Variants in RANBP10 observed in about 807,000 individuals in gnomAD.
The protein encoded by RANBP10 is RAN binding protein 10, also known as ran-binding protein 10.
In RANBP10, 24 loss-of-function variants were observed where a neutral mutation model predicts 72.8. That is an observed-to-expected ratio of 0.33 (90% CI 0.24 to 0.46). RANBP10 has a LOEUF of 0.46. Ranked by LOEUF, RANBP10 falls within the 20% of genes least tolerant of loss-of-function variation. The pLI is 1.00. For synonymous variants in RANBP10, 310 were observed against 322.3 expected (o/e 0.96, Z 0.41); for missense variants, 679 against 817.5 (o/e 0.83, Z 2.07).
intron 2 of RANBP10, among the ~76,000 whole-genome samples, chr16:67,800,326 T>C (rs1323582862): frequency 6.6e-6 from 1 of 152,150 alleles, no homozygotes; most frequent in Non-Finnish European, 1.5e-5. Context: ...CCCCTCTCCA[T>C]GCCTTCCAGT....
chr16:67,782,697 C>T (rs907455271), intron 2 of RANBP10, among the ~76,000 whole-genome samples: 1 of 151,794 alleles, frequency 6.6e-6, no homozygotes, highest in East Asian at 1.9e-4. Context: ...ATGTAATCCG[C>T]CCAGCTCGGC....
chr16:67,750,967 T>C (rs1410040409), intron 3 of RANBP10, among the ~76,000 whole-genome samples: 3 of 151,938 alleles, frequency 2.0e-5, no homozygotes, highest in Non-Finnish European at 4.4e-5. Context: ...GGGGTTTCAC[T>C]GTGTTAGCCA....
chr16:67,747,947 A>T (rs914296577), intron 3 of RANBP10, among the ~76,000 whole-genome samples: 1 of 149,210 alleles, frequency 6.7e-6, no homozygotes, highest in African/African-American at 2.5e-5. Flanking sequence ...CAGTCTCCCG[A>T]GTAGCTGGGA....
intron 3 of RANBP10, among the ~76,000 whole-genome samples, chr16:67,760,164 ACAAAGC>A (rs1385511088): frequency 6.6e-5 from 10 of 152,124 alleles, no homozygotes; most frequent in Admixed American, 1.3e-4. Context: ...CAGCAACCGC[ACAAAGC>A]CACCTGCTAC....
intron 3 of RANBP10, among the ~76,000 whole-genome samples, chr16:67,748,570 A>G (rs780482752): frequency 1.3e-5 from 2 of 151,852 alleles, no homozygotes; most frequent in Non-Finnish European, 2.9e-5. Flanking sequence ...AAAAATATAT[A>G]TATTACTATT....
intron 4 of RANBP10, chr16:67,738,507 C>A (rs2053901344): frequency 6.4e-6 from 1 of 155,668 alleles, no homozygotes; most frequent in Non-Finnish European, 1.4e-5. Context: ...GGCTGGAGTG[C>A]AGTGGTGCGA....
intron 3 of RANBP10, among the ~76,000 whole-genome samples, chr16:67,768,663 C>T (rs1217289286): frequency 6.6e-6 from 1 of 151,980 alleles, no homozygotes. Context: ...CTGCAGTGAG[C>T]CATGTTTGCA....
chr16:67,727,926 T>C, intron 11 of RANBP10, 30 bp from the exon 12 acceptor site: 2 of 1,611,728 alleles, frequency 1.2e-6, no homozygotes, highest in Non-Finnish European at 1.7e-6. Context: ...GAGAACGTGT[T>C]AGGAGGGGTG....
chr16:67,804,465 A>T (rs548276637), intron 2 of RANBP10, among the ~76,000 whole-genome samples: 1 of 151,730 alleles, frequency 6.6e-6, no homozygotes, highest in Non-Finnish European at 1.5e-5. Flanking sequence ...GCAGTGGTGC[A>T]ATCTCAGCTC....
At chr16:67,740,998 T>C (rs1034860251) in intron 4 of RANBP10, among the ~76,000 whole-genome samples, 5 of 152,160 alleles carry the variant, frequency 3.3e-5, no homozygotes, top group African/African-American at 1.2e-4. Context: ...CCAGGGCTCA[T>C]GGAGGAGTCC....
At chr16:67,787,049 G>T (rs944033039) in intron 2 of RANBP10, among the ~76,000 whole-genome samples, 2 of 152,038 alleles carry the variant, frequency 1.3e-5, no homozygotes, top group African/African-American at 4.8e-5. Flanking sequence ...GACCAACCTG[G>T]CCAACATGGT....
At chr16:67,804,096 G>A (rs951326328) in intron 2 of RANBP10, among the ~76,000 whole-genome samples, 3 of 152,170 alleles carry the variant, frequency 2.0e-5, no homozygotes, top group Middle Eastern at 3.4e-3. Context: ...CAAGCATTTT[G>A]CATGCACTAC....
intron 3 of RANBP10, among the ~76,000 whole-genome samples, chr16:67,754,921 T>G (rs953069108): frequency 1.3e-5 from 2 of 152,070 alleles, no homozygotes; most frequent in Non-Finnish European, 2.9e-5. Context: ...GTAGGAAACA[T>G]TCTAAGACTC....
At chr16:67,802,989 TC>T (rs2055264988) in intron 2 of RANBP10, among the ~76,000 whole-genome samples, 1 of 152,170 alleles carries the variant, frequency 6.6e-6, no homozygotes, top group African/African-American at 2.4e-5. Flanking sequence ...GAGAAAACAA[TC>T]CATTTTCCTC....
chr16:67,776,939 C>T (rs1174034652), intron 2 of RANBP10, among the ~76,000 whole-genome samples: 5 of 151,776 alleles, frequency 3.3e-5, no homozygotes, highest in Admixed American at 6.6e-5. Context: ...AAGCTGGGCA[C>T]GGTGGCTCAC....
At position 67,729,160 on chromosome 16, in the gene RANBP10, C is replaced by T; in HGVS notation, c.1352+120G>A. On this transcript the variant is annotated intron_variant, in intron 10 of 13. Transcript: ENST00000317506. This position sits in a 1 kb window ranked among gnomAD's most constrained non-coding sequence, Gnocchi z 7.1. ...GCCCGGTGGGCCAAAAATTAGGACT[C>T]CAGGCACAGACCTGAGATGGAGGCT... 1 of 1,511,888 alleles carries T rather than the reference C, an allele frequency of 6.6e-7. No homozygotes were observed. Among genetic ancestry groups the T allele is most frequent in the Non-Finnish European group, 8.9e-7 (1 of 1,128,756 alleles). 93.7% of individuals were successfully genotyped at this position (1,511,888 alleles called of 1,614,324 possible). A position where few individuals can be genotyped will look rare whatever the true frequency, so the allele number is the denominator to read the frequency against.
chr16:67,769,359 G>A lies in RANBP10; in HGVS notation c.400+2675C>T, dbSNP rs191097253. Among the ~76,000 whole-genome samples, 25 of 148,126 alleles carry A rather than the reference G, an allele frequency of 1.7e-4. No homozygotes were observed. The East Asian group carries it at 4.8e-3, about 29-fold the overall frequency. On this transcript the variant is annotated intron_variant, in intron 3 of 13. Transcript: ENST00000317506. The stretch of plus-strand genomic sequence containing the variant: ...CTTAGGAGGCTGAGATGGGAGGATC[G>A]CTTGAGCCCAGCAGGTTAAGACTGC...
chr16:67,799,641 T>C (rs2055200221), intron 2 of RANBP10, among the ~76,000 whole-genome samples: 2 of 152,118 alleles, frequency 1.3e-5, no homozygotes, highest in African/African-American at 4.8e-5. Context: ...TGCTTCTCAC[T>C]TTGTTCACCT....
At chr16:67,756,700 CT>C (rs2054291687) in intron 3 of RANBP10, among the ~76,000 whole-genome samples, 1 of 151,896 alleles carries the variant, frequency 6.6e-6, no homozygotes, top group Non-Finnish European at 1.5e-5. Context: ...GAGACTCTGT[CT>C]CAGAAAAAAA....
Sources: allele counts gnomAD v4.1 joint callset (sites outside exome capture counted in the v4.1 genomes callset), GRCh38; gene constraint gnomAD v4.1.1; non-coding constraint Gnocchi (gnomAD v3.1); transcripts MANE v1.5; gene names NCBI Gene and HGNC (gene_info 2026-07-23, HGNC 2026-07-21).